TMEM45A: variants seen among roughly 807,000 people sequenced by gnomAD.
TMEM45A encodes the protein DNA polymerase-transactivated protein 4.
In TMEM45A, 25 loss-of-function variants were observed where a neutral mutation model predicts 32.0. The observed-to-expected ratio is 0.78, with a 90% confidence interval of 0.57 to 1.09. The LOEUF is 1.09. Among genes scored for constraint, TMEM45A ranks in the 50% least tolerant of loss-of-function variants. The probability of loss-of-function intolerance (pLI) is 0.00; values close to 1 mark genes in which losing one functional copy is unlikely to be tolerated. For missense variants in TMEM45A, 302 were observed against 325.0 expected (o/e 0.93, Z 0.54); for synonymous variants, 122 against 114.8 (o/e 1.06, Z -0.40).
intron 1 of TMEM45A, among the ~76,000 whole-genome samples, chr3:100,521,776 G>A (rs1210073773): frequency 1.3e-5 from 2 of 152,182 alleles, no homozygotes; most frequent in African/African-American, 4.8e-5. Context: ...GTCTGATCAA[G>A]TGGCCAGAGC....
chr3:100,508,321 C>T (rs1244421232), intron 1 of TMEM45A, among the ~76,000 whole-genome samples: 1 of 152,136 alleles, frequency 6.6e-6, no homozygotes. Flanking sequence ...AGAGCCCAGG[C>T]CCGACAAGAC....
intron 1 of TMEM45A, among the ~76,000 whole-genome samples, chr3:100,510,212 T>C (rs1708137463): frequency 6.6e-6 from 1 of 152,234 alleles, no homozygotes. Context: ...CAGACTTAAA[T>C]GTCCCTGTCT....
rs1708158132 is a variant in TMEM45A, at chr3:100,511,434, G to T, written c.-4+18506G>T. Among the ~76,000 whole-genome samples, 6 of 150,894 alleles carry T rather than the reference G, an allele frequency of 4.0e-5. No homozygotes were observed. In the South Asian group the frequency reaches 1.0e-3, roughly 26 times the overall value. ...AGACAAGCAAATGCTGAGAGATTTT[G>T]TCACCACCAGGCCTGCCCTAAAAGA... On this transcript the variant is annotated intron_variant, in intron 1 of 5. Transcript: ENST00000323523.
chr3:100,576,989 C>A lies in TMEM45A; in HGVS notation c.799C>A (p.Arg267=). The A allele has an allele frequency of 6.2e-7, 1 of 1,613,376 alleles. No individual in the cohort carries two copies. Among genetic ancestry groups the A allele is most frequent in the Non-Finnish European group, 8.5e-7 (1 of 1,179,864 alleles). Residue 267 remains arginine (R), a synonymous_variant, in exon 6 of 6, where the codon CGA becomes AGA. Coordinates refer to ENST00000323523, the MANE Select transcript of TMEM45A (RefSeq NM_018004.3). ...SEVGLLKNAE[R]EQESEEEM is the part of the protein sequence containing the mutation. ...AGTTGGACTTCTGAAAAATGCTGAA[C>A]GAGAACAAGAATCAGAAGAAGAAAT...
intron 1 of TMEM45A, among the ~76,000 whole-genome samples, chr3:100,528,127 T>C (rs1177271117): frequency 6.6e-6 from 1 of 152,232 alleles, no homozygotes; most frequent in Non-Finnish European, 1.5e-5. Flanking sequence ...ACTTCTGTTG[T>C]TGCTAAGTAT....
chr3:100,512,462 C>T (rs571637831), intron 1 of TMEM45A, among the ~76,000 whole-genome samples: 4 of 152,142 alleles, frequency 2.6e-5, no homozygotes, highest in African/African-American at 9.7e-5. Context: ...ATCTCTGGGG[C>T]ACATTCAAAG....
At chr3:100,548,126 T>G (rs1306129141) in intron 1 of TMEM45A, among the ~76,000 whole-genome samples, 1 of 152,108 alleles carries the variant, frequency 6.6e-6, no homozygotes, top group Non-Finnish European at 1.5e-5. Context: ...CTAGAGTGGT[T>G]ATTTTCTTCT....
At chr3:100,501,933 C>T (rs547386849) in intron 1 of TMEM45A, among the ~76,000 whole-genome samples, 46 of 152,280 alleles carry the variant, frequency 3.0e-4, no homozygotes, top group Middle Eastern at 3.4e-3. Context: ...AAAAATATTA[C>T]TTTTAATTTA....
intron 1 of TMEM45A, among the ~76,000 whole-genome samples, chr3:100,506,787 G>A (rs1708086002): frequency 6.6e-6 from 1 of 152,198 alleles, no homozygotes; most frequent in Non-Finnish European, 1.5e-5. Flanking sequence ...GATGGGACAA[G>A]TTTTCTGAGG....
At chr3:100,529,435 A>T (rs1182711514) in intron 1 of TMEM45A, among the ~76,000 whole-genome samples, 1 of 152,140 alleles carries the variant, frequency 6.6e-6, no homozygotes, top group Non-Finnish European at 1.5e-5. Flanking sequence ...TCATCTCAGC[A>T]TAGTGTGGGA....
intron 1 of TMEM45A, among the ~76,000 whole-genome samples, chr3:100,513,476 C>G (rs940511475): frequency 3.3e-5 from 5 of 150,028 alleles, no homozygotes. Flanking sequence ...GGACGTATCT[C>G]AAAATAATAA....
At chr3:100,503,943 G>T (rs1708042563) in intron 1 of TMEM45A, among the ~76,000 whole-genome samples, 1 of 152,174 alleles carries the variant, frequency 6.6e-6, no homozygotes, top group Admixed American at 6.5e-5. Flanking sequence ...ATTATTTTCA[G>T]GAATGAAACA....
chr3:100,575,142 A>T (rs1706655746), intron 5 of TMEM45A, among the ~76,000 whole-genome samples: 1 of 152,158 alleles, frequency 6.6e-6, no homozygotes, highest in South Asian at 2.1e-4. Context: ...ATTTGTTTGC[A>T]TATTCCTATG....
intron 1 of TMEM45A, among the ~76,000 whole-genome samples, chr3:100,531,078 C>T (rs1705637656): frequency 6.6e-6 from 1 of 152,014 alleles, no homozygotes; most frequent in South Asian, 2.1e-4. Context: ...CTTTGATTAA[C>T]ATTGTTTGAC....
intron 4 of TMEM45A, among the ~76,000 whole-genome samples, chr3:100,567,359 A>G (rs1706463344): frequency 6.6e-6 from 1 of 151,862 alleles, no homozygotes; most frequent in Admixed American, 6.6e-5. Context: ...TATTTCATTG[A>G]TCTAAATGTT....
intron 1 of TMEM45A, among the ~76,000 whole-genome samples, chr3:100,539,896 A>C (rs1403660277): frequency 6.6e-6 from 1 of 152,034 alleles, no homozygotes; most frequent in African/African-American, 2.4e-5. Flanking sequence ...AAAATTAACC[A>C]CCAAATCTAC....
At chr3:100,538,092 T>A (rs1705778754) in intron 1 of TMEM45A, among the ~76,000 whole-genome samples, 1 of 152,184 alleles carries the variant, frequency 6.6e-6, no homozygotes, top group African/African-American at 2.4e-5. Context: ...TTGTTTGTCA[T>A]CAGAATGGGT....
intron 1 of TMEM45A, among the ~76,000 whole-genome samples, chr3:100,518,833 G>A (rs193027939): frequency 1.3e-5 from 2 of 152,294 alleles, no homozygotes; most frequent in East Asian, 3.9e-4. Context: ...GTTCCCTGTG[G>A]GAGGCTTTAC....
intron 1 of TMEM45A, among the ~76,000 whole-genome samples, chr3:100,552,782 A>C (rs1706134945): frequency 6.6e-6 from 1 of 152,204 alleles, no homozygotes; most frequent in Non-Finnish European, 1.5e-5. Context: ...GTAAATTTAG[A>C]ACCTCATAGT....
Sources: gnomAD v4.1 joint callset for allele counts (sites outside exome capture counted in the v4.1 genomes callset) on GRCh38, gnomAD v4.1.1 for gene constraint, MANE v1.5 for transcripts, NCBI Gene and HGNC (gene_info 2026-07-23, HGNC 2026-07-21) for gene names.